SLC35F1: variants seen among roughly 807,000 people sequenced by gnomAD.
SLC35F1 encodes chromosome 6 open reading frame 169.
SLC35F1 carries 14 observed loss-of-function variants against 48.7 expected under a neutral mutation model. The ratio of observed to expected loss-of-function variants is 0.29; its 90% CI spans 0.19 to 0.45. SLC35F1 has a LOEUF of 0.45. SLC35F1 is among the 20% of genes least tolerant of loss of function. SLC35F1 has a pLI of 1.00. For synonymous variants in SLC35F1, 190 were observed against 202.2 expected (o/e 0.94, Z 0.51); for missense variants, 404 against 500.0 (o/e 0.81, Z 1.83).
intron 2 of SLC35F1, among the ~76,000 whole-genome samples, chr6:118,218,843 C>G (rs374760832): frequency 1.7e-4 from 26 of 152,296 alleles, no homozygotes; most frequent in African/African-American, 6.0e-4. Context: ...AAGCCACCTG[C>G]TATGCCTCAG....
rs547483792 is a variant in SLC35F1 at position 118,088,642 on chromosome 6, G to A, written c.174-65803G>A. On this transcript the variant is annotated intron_variant, in intron 1 of 7. Coordinates refer to ENST00000360388, the MANE Select transcript of SLC35F1 (RefSeq NM_001029858.4). ...AATAGGACGTCTTAAAACAGAGTAA[G>A]GTGGCAGTAGAAGGTGTGAGGGGTG... Among the ~76,000 whole-genome samples, 5 of 152,202 alleles carry A rather than the reference G, an allele frequency of 3.3e-5. No individual in the cohort carries two copies. In the East Asian group the frequency reaches 9.6e-4, roughly 29 times the overall value.
At chr6:118,114,065 T>C (rs1178134731) in intron 1 of SLC35F1, among the ~76,000 whole-genome samples, 1 of 152,206 alleles carries the variant, frequency 6.6e-6, no homozygotes, top group African/African-American at 2.4e-5. Flanking sequence ...ATATGCATTG[T>C]ATCATTTAGT....
intron 1 of SLC35F1, among the ~76,000 whole-genome samples, chr6:117,923,897 CAT>C (rs746647038): frequency 6.0e-4 from 89 of 148,154 alleles, no homozygotes; most frequent in Admixed American, 2.1e-3. Flanking sequence ...CACATATACA[CAT>C]ATATGTGTGT....
intron 6 of SLC35F1, among the ~76,000 whole-genome samples, chr6:118,282,262 C>T (rs1355433266): frequency 1.3e-5 from 2 of 152,176 alleles, no homozygotes; most frequent in East Asian, 1.9e-4. Context: ...GGAAGGGCAA[C>T]GATACTGCAT....
intron 2 of SLC35F1, among the ~76,000 whole-genome samples, chr6:118,189,508 T>C (rs553769825): frequency 1.3e-5 from 2 of 152,356 alleles, no homozygotes; most frequent in East Asian, 3.9e-4. Context: ...CTATATATTT[T>C]AGATATTAAC....
intron 3 of SLC35F1, among the ~76,000 whole-genome samples, chr6:118,258,432 T>C (rs1775672498): frequency 6.6e-6 from 1 of 152,114 alleles, no homozygotes; most frequent in East Asian, 1.9e-4. Flanking sequence ...TGGAGAAAGA[T>C]ACAGATTTTC....
At chr6:118,283,140 G>A (rs1447355156) in intron 6 of SLC35F1, among the ~76,000 whole-genome samples, 2 of 152,096 alleles carry the variant, frequency 1.3e-5, no homozygotes, top group Non-Finnish European at 2.9e-5. Flanking sequence ...ATTCTGCTCA[G>A]CCATTGTGGC....
At chr6:118,173,403 C>A (rs72963638) in intron 2 of SLC35F1, among the ~76,000 whole-genome samples, 2,092 of 135,726 alleles carry the variant, frequency 0.015, 84 homozygotes, top group African/African-American at 0.063. Flanking sequence ...AAACAAAAAA[C>A]AAAAAAAAAA....
At chr6:118,271,439 C>T (rs1407502286) in intron 4 of SLC35F1, among the ~76,000 whole-genome samples, 1 of 152,106 alleles carries the variant, frequency 6.6e-6, no homozygotes, top group African/African-American at 2.4e-5. Flanking sequence ...AGAAGTTCCC[C>T]AGATGTGGAA....
chr6:118,120,277 C>G (rs140450018), intron 1 of SLC35F1, among the ~76,000 whole-genome samples: 1 of 152,254 alleles, frequency 6.6e-6, no homozygotes, highest in Admixed American at 6.5e-5. Flanking sequence ...TCCTGAAAAT[C>G]CATCCACCCA....
intron 1 of SLC35F1, among the ~76,000 whole-genome samples, chr6:118,132,421 C>CG (rs1473654207): frequency 1.3e-5 from 2 of 152,176 alleles, no homozygotes; most frequent in Non-Finnish European, 2.9e-5. Context: ...GTTCAGATTA[C>CG]GTTTTTTTGC....
chr6:118,123,096 A>C (rs1468437214), intron 1 of SLC35F1, among the ~76,000 whole-genome samples: 1 of 143,762 alleles, frequency 7.0e-6, no homozygotes, highest in Non-Finnish European at 1.5e-5. Flanking sequence ...TTATTCTCAA[A>C]AGCCCTTTTT....
At chr6:118,295,369 G>A (rs1363706004) in intron 7 of SLC35F1, among the ~76,000 whole-genome samples, 1 of 152,102 alleles carries the variant, frequency 6.6e-6, no homozygotes, top group East Asian at 1.9e-4. Flanking sequence ...AAATCACCAG[G>A]CAGATTAATG....
At position 117,907,884 on chromosome 6, in the gene SLC35F1, G is replaced by C. The variant is rs1367341203; in HGVS notation, c.158G>C (p.Arg53Pro). Reference protein sequence around the residue: ...SSRAGVRQRIRKVLNREMLIS... With the variant: ...SSRAGVRQRIPKVLNREMLIS... Reference sequence around the variant, plus strand: ...CGGGCTGGCGTGCGCCAGAGGATCCGCAAAGTGCTGAACAGGTGAGCGGCG... The same window carrying C: ...CGGGCTGGCGTGCGCCAGAGGATCCCCAAAGTGCTGAACAGGTGAGCGGCG... Residue 53 changes from arginine to proline, a missense_variant, in exon 1 of 8, where the codon CGC (arginine) becomes CCC (proline). Transcript: ENST00000360388. The C allele has an allele frequency of 1.3e-6, 2 of 1,489,250 alleles. No individual in the cohort carries two copies. The highest frequency in any genetic ancestry group is 5.6e-5 in the East Asian group (2 of 35,966). 92.3% of individuals were successfully genotyped at this position (1,489,250 alleles called of 1,614,324 possible).
At chr6:118,265,663 G>C (rs1775764566) in intron 3 of SLC35F1, among the ~76,000 whole-genome samples, 1 of 152,164 alleles carries the variant, frequency 6.6e-6, no homozygotes, top group African/African-American at 2.4e-5. Flanking sequence ...AGTGGGAGAG[G>C]GTGGCATGAG....
intron 1 of SLC35F1, among the ~76,000 whole-genome samples, chr6:118,140,591 T>C (rs1161830586): frequency 3.6e-5 from 3 of 82,654 alleles, no homozygotes; most frequent in Non-Finnish European, 7.8e-5. Context: ...TAGAGTGTAT[T>C]CCTTATATTT....
chr6:117,975,018 A>C (rs1776688308), intron 1 of SLC35F1, among the ~76,000 whole-genome samples: 1 of 152,210 alleles, frequency 6.6e-6, no homozygotes, highest in Non-Finnish European at 1.5e-5. Flanking sequence ...GACTTCTTGA[A>C]AGGATCTTAG....
Position 118,292,346 on chromosome 6 carries a change from T to C in SLC35F1, c.1002+7008T>C, listed in dbSNP as rs1458842653. On this transcript the variant is annotated intron_variant, in intron 7 of 7. Transcript: ENST00000360388. ...TATTGCTAAATATAAAGACACATTG[T>C]TAACAAGTAGCTGAAAGTGCAATAC... Among the ~76,000 whole-genome samples, 5 of 152,254 alleles carry C rather than the reference T, an allele frequency of 3.3e-5. No individual in the cohort carries two copies. In the East Asian group the frequency reaches 9.7e-4, roughly 29 times the overall value.
chr6:118,070,786 A>G (rs1230499259), intron 1 of SLC35F1, among the ~76,000 whole-genome samples: 1 of 145,384 alleles, frequency 6.9e-6, no homozygotes, highest in Non-Finnish European at 1.5e-5. Context: ...CCATCTCCCA[A>G]CCTCCCAATA....
Sources: allele counts gnomAD v4.1 joint callset (sites outside exome capture counted in the v4.1 genomes callset), GRCh38; gene constraint gnomAD v4.1.1; transcripts MANE v1.5; gene names NCBI Gene and HGNC (gene_info 2026-07-23, HGNC 2026-07-21).